The following SRBD1 variants were observed in gnomAD, a reference collection of about 807,000 sequenced individuals.
SRBD1 encodes the protein S1 RNA-binding domain-containing protein 1.
Under a neutral mutation model 115.3 loss-of-function variants are expected in SRBD1, and 88 were observed. That is an observed-to-expected ratio of 0.76 (90% CI 0.64 to 0.91). The LOEUF (loss-of-function observed/expected upper bound fraction) is 0.91. Among genes scored for constraint, SRBD1 ranks in the 40% least tolerant of loss-of-function variants. The pLI, the probability that SRBD1 is intolerant of heterozygous loss-of-function variation, is 0.00. For synonymous variants in SRBD1, 509 were observed against 407.7 expected (o/e 1.25, Z -2.99); for missense variants, 1,385 against 1,177.4 (o/e 1.18, Z -2.58).
At chr2:45,487,462 G>A (rs1431305967) in intron 15 of SRBD1, among the ~76,000 whole-genome samples, 1 of 152,088 alleles carries the variant, frequency 6.6e-6, no homozygotes, top group Admixed American at 6.5e-5. Context: ...ATGATCAAAT[G>A]ACAACTCTAT....
intron 19 of SRBD1, among the ~76,000 whole-genome samples, chr2:45,401,624 T>C (rs1195116658): frequency 6.6e-6 from 1 of 152,212 alleles, no homozygotes; most frequent in Non-Finnish European, 1.5e-5. Context: ...TTCAGGCAAG[T>C]TTCCCACAAA....
chr2:45,525,080 G>A (rs1363815485), intron 14 of SRBD1, among the ~76,000 whole-genome samples: 1 of 151,828 alleles, frequency 6.6e-6, no homozygotes, highest in Non-Finnish European at 1.5e-5. Context: ...CTACTGGATA[G>A]CCACAGGCAA....
At chr2:45,507,052 T>C (rs1270859524) in intron 14 of SRBD1, among the ~76,000 whole-genome samples, 1 of 152,204 alleles carries the variant, frequency 6.6e-6, no homozygotes, top group African/African-American at 2.4e-5. Flanking sequence ...TGCTCATGTT[T>C]GGCGTATAGT....
At chr2:45,594,156 T>C (rs930720836) in intron 4 of SRBD1, among the ~76,000 whole-genome samples, 1 of 152,200 alleles carries the variant, frequency 6.6e-6, no homozygotes, top group East Asian at 1.9e-4. Flanking sequence ...ATACACAGAA[T>C]TGCACTGAGA....
intron 15 of SRBD1, among the ~76,000 whole-genome samples, chr2:45,485,627 C>T (rs575716147): frequency 6.6e-6 from 1 of 152,242 alleles, no homozygotes; most frequent in Admixed American, 6.5e-5. Flanking sequence ...TTTCAATAAG[C>T]TGATAAACTG....
intron 7 of SRBD1, among the ~76,000 whole-genome samples, chr2:45,577,657 G>A (rs1673221589): frequency 7.2e-6 from 1 of 138,356 alleles, no homozygotes; most frequent in Non-Finnish European, 1.5e-5. Context: ...GTCTTCTACT[G>A]GGGAAAAAAA....
chr2:45,480,082 A>G (rs932575110), intron 15 of SRBD1, among the ~76,000 whole-genome samples: 2 of 152,204 alleles, frequency 1.3e-5, no homozygotes, highest in Non-Finnish European at 2.9e-5. Flanking sequence ...CCTACTGCTC[A>G]GAAAAAAAGA....
chr2:45,577,240 A>G (rs896247765), intron 7 of SRBD1, among the ~76,000 whole-genome samples: 4 of 152,228 alleles, frequency 2.6e-5, no homozygotes, highest in Admixed American at 6.5e-5. Context: ...AAATAATTTA[A>G]AAGGAAAGTC....
chr2:45,605,239 T>C, intron 2 of SRBD1, 123 bp downstream of exon 2: 1 of 752,080 alleles, frequency 1.3e-6, no homozygotes, highest in Admixed American at 2.4e-5. Flanking sequence ...ACTTGTTGCA[T>C]GAATGAATAA....
At chr2:45,497,387 CTGAA>C (rs145802802) in intron 14 of SRBD1, among the ~76,000 whole-genome samples, 1 of 152,276 alleles carries the variant, frequency 6.6e-6, no homozygotes, top group African/African-American at 2.4e-5. Flanking sequence ...ACAGGGTAGA[CTGAA>C]TGTACATAAA....
chr2:45,588,092 A>T (rs1024911926), intron 4 of SRBD1, among the ~76,000 whole-genome samples: 1 of 152,228 alleles, frequency 6.6e-6, no homozygotes, highest in Non-Finnish European at 1.5e-5. Context: ...TTCTAGCCTG[A>T]ACTAATGAAA....
chr2:45,427,036 G>A (rs186802941), intron 16 of SRBD1, among the ~76,000 whole-genome samples: 36 of 152,230 alleles, frequency 2.4e-4, no homozygotes, highest in Admixed American at 1.7e-3. Flanking sequence ...CAGAAAGTGG[G>A]TAATAACAAA....
chr2:45,485,400 T>A (rs1478443482), intron 15 of SRBD1, among the ~76,000 whole-genome samples: 1 of 152,208 alleles, frequency 6.6e-6, no homozygotes, highest in African/African-American at 2.4e-5. Flanking sequence ...CCTTTTATCT[T>A]AGTAGGTTTT....
chr2:45,555,956 A>T (rs1353718396), intron 10 of SRBD1, among the ~76,000 whole-genome samples: 2 of 152,150 alleles, frequency 1.3e-5, no homozygotes, highest in Non-Finnish European at 2.9e-5. Flanking sequence ...CCATTAACAA[A>T]ATATTAATTA....
intron 16 of SRBD1, among the ~76,000 whole-genome samples, chr2:45,457,224 A>G (rs938249196): frequency 6.6e-6 from 1 of 152,014 alleles, no homozygotes; most frequent in Non-Finnish European, 1.5e-5. Context: ...TCTTTTATTT[A>G]TAACTGAATA....
intron 14 of SRBD1, among the ~76,000 whole-genome samples, chr2:45,519,460 G>C (rs995161122): frequency 6.6e-6 from 1 of 152,260 alleles, no homozygotes; most frequent in East Asian, 1.9e-4. Context: ...CCAGGTGCTG[G>C]CCACTTAAGT....
intron 10 of SRBD1, among the ~76,000 whole-genome samples, chr2:45,560,705 T>C (rs1443976297): frequency 6.6e-6 from 1 of 152,210 alleles, no homozygotes; most frequent in Non-Finnish European, 1.5e-5. Context: ...TCTTAAATTA[T>C]CTAATTTCCT....
At chr2:45,390,878 G>A (rs1006008756) in intron 20 of SRBD1, among the ~76,000 whole-genome samples, 17 of 152,094 alleles carry the variant, frequency 1.1e-4, no homozygotes, top group Non-Finnish European at 2.4e-4. Flanking sequence ...CGCTAAAATT[G>A]GAATTGATTC....
At chr2:45,477,098 C>CTT in intron 15 of SRBD1, 23 bp from the exon 16 acceptor site, 1 of 1,597,130 alleles carries the variant, frequency 6.3e-7, no homozygotes, top group Non-Finnish European at 8.6e-7. Flanking sequence ...AATCAGAAAA[C>CTT]AAGTATGACT....
Sources: gnomAD v4.1 joint callset for allele counts (sites outside exome capture counted in the v4.1 genomes callset) on GRCh38, gnomAD v4.1.1 for gene constraint, MANE v1.5 for transcripts, NCBI Gene and HGNC (gene_info 2026-07-23, HGNC 2026-07-21) for gene names.